Variants in ATG7 observed in about 807,000 individuals in gnomAD.
The protein encoded by ATG7 is autophagy related 7, also known as ubiquitin-like modifier-activating enzyme ATG7.
In ATG7, 70 loss-of-function variants were observed where a neutral mutation model predicts 82.4. The ratio of observed to expected loss-of-function variants is 0.85; its 90% confidence interval spans 0.70 to 1.04. The LOEUF (loss-of-function observed/expected upper bound fraction) is 1.04. Among genes scored for constraint, ATG7 ranks in the 50% least tolerant of loss-of-function variants. The probability of loss-of-function intolerance (pLI) is 0.00; values close to 1 mark genes in which losing one functional copy is unlikely to be tolerated. For missense variants in ATG7, 792 were observed against 864.3 expected (o/e 0.92, Z 1.05); for synonymous variants, 287 against 313.0 (o/e 0.92, Z 0.88).
chr3:11,491,832 AG>A (rs1444906301), intron 20 of ATG7, among the ~76,000 whole-genome samples: 1 of 152,152 alleles, frequency 6.6e-6, no homozygotes, highest in Admixed American at 6.5e-5. Flanking sequence ...TTCCTCTGGA[AG>A]TTTTGTCTCA....
intron 20 of ATG7, chr3:11,446,409 G>GT: frequency 3.0e-6 from 1 of 330,302 alleles, no homozygotes; most frequent in Non-Finnish European, 5.8e-6. Context: ...ATCTACTTTT[G>GT]TAAATGCGTT....
chr3:11,486,044 T>A (rs1309696770), intron 20 of ATG7, among the ~76,000 whole-genome samples: 2 of 152,220 alleles, frequency 1.3e-5, no homozygotes, highest in Non-Finnish European at 2.9e-5. Context: ...TGGTTCCATA[T>A]GAACTTTTAA....
At chr3:11,389,561 G>A (rs1472079532) in intron 19 of ATG7, among the ~76,000 whole-genome samples, 1 of 151,610 alleles carries the variant, frequency 6.6e-6, no homozygotes, top group Admixed American at 6.6e-5. Context: ...ATACTAAAAC[G>A]GGAAAATACC....
intron 20 of ATG7, among the ~76,000 whole-genome samples, chr3:11,471,922 G>C (rs930971602): frequency 1.3e-5 from 2 of 151,722 alleles, no homozygotes; most frequent in Non-Finnish European, 2.9e-5. Context: ...ATTTTTAGTA[G>C]AGATGGGGTT....
At chr3:11,395,943 A>C (rs2079201906) in intron 19 of ATG7, among the ~76,000 whole-genome samples, 1 of 107,898 alleles carries the variant, frequency 9.3e-6, no homozygotes, top group Admixed American at 1.0e-4. Flanking sequence ...CTGTCTCAAA[A>C]AAAAAAAAAA....
intron 5 of ATG7, 145 bp from the exon 6 acceptor site, chr3:11,306,798 A>G (rs1246466468): frequency 2.3e-5 from 16 of 681,844 alleles, no homozygotes; most frequent in Non-Finnish European, 4.1e-5. Flanking sequence ...TATGATATTC[A>G]TCTTTTTCCA....
chr3:11,497,058 C>T (rs2090888130), intron 20 of ATG7, among the ~76,000 whole-genome samples: 2 of 151,496 alleles, frequency 1.3e-5, no homozygotes, highest in Admixed American at 6.6e-5. Context: ...ACCGTGTTGG[C>T]CAGGCTGGTC....
rs550335758 is a variant in ATG7, at chr3:11,522,651, AATTCTAG to A, written c.2080-32158_2080-32152del. ...TAATTATTCATAGAATTTAGACTAA[AATTCTAG>A]AGGTCATTTATACCAAAATGGTCTA... On this transcript the variant is annotated intron_variant, in intron 20 of 20. Transcript: ENST00000693202. 9.1e-4 allele frequency among the ~76,000 whole-genome samples: 139 copies of A among 152,270 alleles called. 3 individuals are homozygous for A. In the East Asian group the frequency reaches 0.022, roughly 24 times the overall value.
chr3:11,386,367 A>G (rs963116354), intron 19 of ATG7, among the ~76,000 whole-genome samples: 1 of 152,248 alleles, frequency 6.6e-6, no homozygotes, highest in African/African-American at 2.4e-5. Flanking sequence ...GGTGATGTCA[A>G]CACTTCTTGA....
At chr3:11,325,988 A>G (rs1038257293) in intron 9 of ATG7, among the ~76,000 whole-genome samples, 2 of 152,022 alleles carry the variant, frequency 1.3e-5, no homozygotes, top group African/African-American at 4.8e-5. Context: ...TTGTTTTGTG[A>G]CCTATAGGGT....
rs902145629 is a variant in ATG7, at chr3:11,556,468, G to T, written c.*1625G>T. 1 of 152,658 alleles carries T rather than the reference G, an allele frequency of 6.6e-6. No individual in the cohort carries two copies. Among genetic ancestry groups the T allele is most frequent in the Non-Finnish European group, 1.5e-5 (1 of 68,018 alleles). 9.5% of individuals were successfully genotyped at this position (152,658 alleles called of 1,614,324 possible). ...TCCCAGGAGTGTCCTCCACCGAGCC[G>T]GTCAGCTGTGGGTGGTTTTCCTGTT... On this transcript the variant is annotated 3_prime_UTR_variant, in exon 21 of 21. Transcript: ENST00000693202.
At chr3:11,448,896 C>T (rs1161524705) in intron 20 of ATG7, among the ~76,000 whole-genome samples, 1 of 152,118 alleles carries the variant, frequency 6.6e-6, no homozygotes, top group Non-Finnish European at 1.5e-5. Flanking sequence ...CCCTGCCTGA[C>T]ATTTTACACC....
chr3:11,511,504 C>T (rs1382071518), intron 20 of ATG7, among the ~76,000 whole-genome samples: 1 of 152,212 alleles, frequency 6.6e-6, no homozygotes, highest in African/African-American at 2.4e-5. Flanking sequence ...CTCCATGTCC[C>T]CACCAGACTC....
chr3:11,332,700 G>A (rs758227863), intron 10 of ATG7: 12 of 237,074 alleles, frequency 5.1e-5, no homozygotes, highest in Non-Finnish European at 8.8e-5. Flanking sequence ...TTTACTTGTC[G>A]GAATTATTTA....
downstream of ATG7, among the ~76,000 whole-genome samples, chr3:11,561,206 C>T (rs561871724): frequency 9.9e-5 from 15 of 152,282 alleles, no homozygotes; most frequent in African/African-American, 3.4e-4. Flanking sequence ...TCCTGACCCA[C>T]GCAAATGTGG....
At chr3:11,352,991 G>A (rs1407217787) in intron 14 of ATG7, among the ~76,000 whole-genome samples, 1 of 152,172 alleles carries the variant, frequency 6.6e-6, no homozygotes, top group Non-Finnish European at 1.5e-5. Flanking sequence ...TTGGTTACCT[G>A]GAAAAGTTAG....
intron 11 of ATG7, among the ~76,000 whole-genome samples, chr3:11,339,073 G>T (rs990426792): frequency 1.3e-5 from 2 of 152,044 alleles, no homozygotes; most frequent in African/African-American, 4.8e-5. Context: ...AAGGCGGGTG[G>T]ATCACGAGGT....
chr3:11,489,935 G>GA (rs1254518582), intron 20 of ATG7, among the ~76,000 whole-genome samples: 1 of 151,856 alleles, frequency 6.6e-6, no homozygotes, highest in Admixed American at 6.6e-5. Context: ...GTGTGGTGCT[G>GA]AAAAAAATGT....
intron 19 of ATG7, among the ~76,000 whole-genome samples, chr3:11,405,616 T>C (rs910893159): frequency 2.6e-5 from 4 of 152,130 alleles, no homozygotes; most frequent in African/African-American, 9.7e-5. Flanking sequence ...GTATGTAGCA[T>C]TTCTTTTTTT....
Sources: allele counts gnomAD v4.1 joint callset (sites outside exome capture counted in the v4.1 genomes callset), GRCh38; gene constraint gnomAD v4.1.1; transcripts MANE v1.5; gene names NCBI Gene and HGNC (gene_info 2026-07-23, HGNC 2026-07-21).